The following HDLBP variants were observed in gnomAD, a reference collection of about 807,000 sequenced individuals.
HDLBP encodes vigilin.
Under a neutral mutation model 137.3 loss-of-function variants are expected in HDLBP, and 30 were observed. That is an observed-to-expected ratio of 0.22 (90% CI 0.16 to 0.30). The LOEUF is 0.30. Ranked by LOEUF, HDLBP falls within the 10% of genes least tolerant of loss-of-function variation. The probability of loss-of-function intolerance (pLI) is 1.00; values close to 1 mark genes in which losing one functional copy is unlikely to be tolerated. For synonymous variants in HDLBP, 606 were observed against 596.0 expected (o/e 1.02, Z -0.24); for missense variants, 1,119 against 1,667.3 (o/e 0.67, Z 5.73).
At chr2:241,280,912 C>G (rs1439190226) in intron 1 of HDLBP, among the ~76,000 whole-genome samples, 1 of 152,216 alleles carries the variant, frequency 6.6e-6, no homozygotes, top group Non-Finnish European at 1.5e-5. Context: ...CTACTTTCCA[C>G]TAAATTAATA....
Position 241,230,952 on chromosome 2 carries a change from A to T in HDLBP, c.3289-8T>A, listed in dbSNP as rs780459901. The T allele has an allele frequency of 6.2e-7, 1 of 1,610,662 alleles. No individual in the cohort carries two copies. Among genetic ancestry groups the T allele is most frequent in the East Asian group, 2.2e-5 (1 of 44,802 alleles). ...GGTAATTTGGTCCTGGGGCTAAAAA[A>T]GGAGAATGTAGTCAGAAAAGGGGAT... On this transcript the variant is annotated splice_region_variant and splice_polypyrimidine_tract_variant and intron_variant, in intron 24 of 27. Coordinates refer to ENST00000310931, the MANE Select transcript of HDLBP (RefSeq NM_005336.6). This position sits in a 1 kb window ranked among gnomAD's most constrained non-coding sequence, Gnocchi z 5.0.
Position 241,240,766 on chromosome 2 carries a change from G to C in HDLBP, c.2170-644C>G, listed in dbSNP as rs2071133861. On this transcript the variant is annotated intron_variant, in intron 17 of 27. Coordinates refer to ENST00000310931, the MANE Select transcript of HDLBP (RefSeq NM_005336.6). The surrounding 1 kb of genome is among the most constrained non-coding windows in gnomAD (Gnocchi z 5.5). ...CTTGTGTGGCAGTAAGAAAACGAGGGTCCTGGAAAGGCCCCGGACACTGCT... is the reference window on the plus strand; with the variant it reads ...CTTGTGTGGCAGTAAGAAAACGAGGCTCCTGGAAAGGCCCCGGACACTGCT... Among the ~76,000 whole-genome samples the C allele has an allele frequency of 6.6e-6, 1 of 152,098 alleles. No individual in the cohort carries two copies.
In HDLBP at chr2:241,233,927, G is replaced by C. The variant is rs777103021; in HGVS notation, c.3181C>G (p.Pro1061Ala). 4.3e-6 allele frequency: 7 copies of C among 1,614,084 alleles called. No homozygotes were observed. Residue 1061 changes from proline to alanine, a missense_variant, in exon 24 of 28, where the codon CCC becomes GCC. Coordinates refer to ENST00000310931, the MANE Select transcript of HDLBP (RefSeq NM_005336.6). This position sits in a 1 kb window ranked among gnomAD's most constrained non-coding sequence, Gnocchi z 4.3. ...RSFKLSVTVD[P>A]KYHPKIIGRK... ...CCGATAATCTTGGGATGGTATTTGG[G>C]GTCTACAGTGACACTCAGCTTAAAA...
rs757874292 is a variant in HDLBP, at chr2:241,239,581, C to T, written c.2610+21G>A. On this transcript the variant is annotated intron_variant, in intron 19 of 27. Coordinates refer to ENST00000310931, the MANE Select transcript of HDLBP (RefSeq NM_005336.6). The surrounding 1 kb of genome is among the most constrained non-coding windows in gnomAD (Gnocchi z 4.6). ...GGCCACTGGGGGGTGAGAACCCCTC[C>T]CCGAGCACCCAAGTGCCTACCAGGT... 8.1e-6 allele frequency: 13 copies of T among 1,603,330 alleles called. No individual in the cohort carries two copies. The Admixed American group carries it at 1.7e-4, about 21-fold the overall frequency.
rs762148217 is a variant in HDLBP, at chr2:241,249,317, A to C, written c.1512+524T>G. On this transcript the variant is annotated intron_variant, in intron 12 of 27. Transcript: ENST00000310931. Reference sequence around the variant, plus strand: ...CAGTATTTGACTTCTCTGGATACTTAAAGGCACCCAGAGACTTTCAAGTGT... The same window carrying C: ...CAGTATTTGACTTCTCTGGATACTTCAAGGCACCCAGAGACTTTCAAGTGT... The C allele has an allele frequency of 2.0e-4, 94 of 470,964 alleles. 1 individual carries two copies. Among genetic ancestry groups the C allele is most frequent in the South Asian group, 1.4e-3 (92 of 64,552 alleles). 29.2% of individuals were successfully genotyped at this position (470,964 alleles called of 1,614,324 possible).
chr2:241,256,907 C>G, intron 5 of HDLBP, 101 bp from the exon 6 acceptor site: 2 of 983,832 alleles, frequency 2.0e-6, no homozygotes, highest in East Asian at 2.5e-5. Context: ...TTTGCTTATT[C>G]CTGCCCAGCA....
chr2:241,273,196 G>A, intron 1 of HDLBP: 2 of 985,494 alleles, frequency 2.0e-6, no homozygotes, highest in Non-Finnish European at 1.2e-6. Flanking sequence ...CCACCACATC[G>A]TAAACGGATG....
intron 1 of HDLBP, among the ~76,000 whole-genome samples, chr2:241,308,260 T>C (rs1431965194): frequency 6.6e-6 from 1 of 152,198 alleles, no homozygotes; most frequent in African/African-American, 2.4e-5. Context: ...CAATCCGTCG[T>C]CCACCTTTCT....
intron 1 of HDLBP, among the ~76,000 whole-genome samples, chr2:241,288,692 C>T (rs2074913904): frequency 6.6e-6 from 1 of 152,134 alleles, no homozygotes; most frequent in Admixed American, 6.5e-5. Context: ...CACTAGTCTG[C>T]CACCCTGAGC....
intron 5 of HDLBP, among the ~76,000 whole-genome samples, chr2:241,257,054 G>C (rs1372067945): frequency 1.3e-5 from 2 of 152,158 alleles, no homozygotes; most frequent in African/African-American, 2.4e-5. Flanking sequence ...CACCCACAAA[G>C]GGAGACAAGA....
intron 1 of HDLBP, among the ~76,000 whole-genome samples, chr2:241,307,676 A>T (rs1240384725): frequency 1.3e-5 from 2 of 152,216 alleles, no homozygotes; most frequent in Non-Finnish European, 2.9e-5. Flanking sequence ...TTTAATTATA[A>T]TTTTAATACA....
chr2:241,230,953 G>A lies in HDLBP; in HGVS notation c.3289-9C>T, dbSNP rs755132007. 1.5e-5 allele frequency: 24 copies of A among 1,610,512 alleles called. No individual in the cohort carries two copies. The highest frequency in any genetic ancestry group is 5.3e-5 in the African/African-American group (4 of 74,880). ...GTAATTTGGTCCTGGGGCTAAAAAAGGAGAATGTAGTCAGAAAAGGGGATG... is the reference window on the plus strand; with the variant it reads ...GTAATTTGGTCCTGGGGCTAAAAAAAGAGAATGTAGTCAGAAAAGGGGATG... On this transcript the variant is annotated splice_polypyrimidine_tract_variant and intron_variant, in intron 24 of 27. Coordinates refer to ENST00000310931, the MANE Select transcript of HDLBP (RefSeq NM_005336.6). The surrounding 1 kb of genome is among the most constrained non-coding windows in gnomAD (Gnocchi z 5.0).
At chr2:241,235,040 G>A (rs1262988653) in intron 23 of HDLBP, 81 bp downstream of exon 23, 4 of 1,539,082 alleles carry the variant, frequency 2.6e-6, no homozygotes, top group East Asian at 2.3e-5. Flanking sequence ...CTGGGATCCT[G>A]AAGAACTTCC....
chr2:241,269,416 A>T (rs895032531), intron 1 of HDLBP: 6 of 152,282 alleles, frequency 3.9e-5, no homozygotes, highest in Non-Finnish European at 5.9e-5. Context: ...AAGGCGGTTC[A>T]TGGCAATGGG....
chr2:241,253,619 G>A, intron 9 of HDLBP, 122 bp from the exon 10 acceptor site: 1 of 684,696 alleles, frequency 1.5e-6, no homozygotes, highest in East Asian at 2.5e-5. Flanking sequence ...TAGATGTGAG[G>A]GAGGGAGGGA....
chr2:241,304,782 G>T (rs1290026936), intron 1 of HDLBP, among the ~76,000 whole-genome samples: 1 of 152,186 alleles, frequency 6.6e-6, no homozygotes, highest in African/African-American at 2.4e-5. Flanking sequence ...CTTTGACCCT[G>T]AGCTTTAGAG....
rs370644131 is a variant in HDLBP at position 241,230,726 on chromosome 2, G to C, written c.3474+33C>G. On this transcript the variant is annotated intron_variant, in intron 25 of 27. Transcript: ENST00000310931. The surrounding 1 kb of genome is among the most constrained non-coding windows in gnomAD (Gnocchi z 5.0). Reference sequence around the variant, plus strand: ...CAGCCAGGTGCCCCCGGTGAGAGAGGATTCTCACCCACTGTGCTTCCAGCC... The same window carrying C: ...CAGCCAGGTGCCCCCGGTGAGAGAGCATTCTCACCCACTGTGCTTCCAGCC... 2 of 1,593,820 alleles carry C rather than the reference G, an allele frequency of 1.3e-6. No homozygotes were observed. The highest frequency in any genetic ancestry group is 2.7e-5 in the African/African-American group (2 of 74,564).
intron 17 of HDLBP, among the ~76,000 whole-genome samples, chr2:241,241,755 G>C (rs1337891608): frequency 6.6e-6 from 1 of 151,994 alleles, no homozygotes; most frequent in Non-Finnish European, 1.5e-5. Context: ...AGTAACAGTA[G>C]TTAGATCTGT....
intron 1 of HDLBP, among the ~76,000 whole-genome samples, chr2:241,274,479 T>C (rs148176062): frequency 3.0e-4 from 46 of 152,288 alleles, no homozygotes; most frequent in South Asian, 2.7e-3. Context: ...AGTGCAAGTG[T>C]GTTTTTTGTT....
Sources: gnomAD v4.1 joint callset for allele counts (sites outside exome capture counted in the v4.1 genomes callset) on GRCh38, gnomAD v4.1.1 for gene constraint, Gnocchi (gnomAD v3.1) non-coding constraint, MANE v1.5 for transcripts, NCBI Gene and HGNC (gene_info 2026-07-23, HGNC 2026-07-21) for gene names.